Variants in NIBAN1 observed in about 807,000 individuals in gnomAD.
NIBAN1 encodes protein Niban 1.
NIBAN1 carries 81 observed loss-of-function variants against 75.1 expected under a neutral mutation model. That is an observed-to-expected ratio of 1.08 (90% CI 0.90 to 1.30). The LOEUF (loss-of-function observed/expected upper bound fraction) is 1.30. NIBAN1 is among the 50% of genes most tolerant of loss of function. NIBAN1 has a pLI of 0.00. For synonymous variants in NIBAN1, 436 were observed against 424.8 expected (o/e 1.03, Z -0.32); for missense variants, 1,133 against 1,128.1 (o/e 1.00, Z -0.06).
At chr1:184,857,960 A>C (rs1655721404) in intron 5 of NIBAN1, among the ~76,000 whole-genome samples, 1 of 151,686 alleles carries the variant, frequency 6.6e-6, no homozygotes, top group South Asian at 2.1e-4. Flanking sequence ...ACCTTCAAGA[A>C]AAATTGAGGA....
rs567361929 is a variant in NIBAN1, at chr1:184,853,417, A to G, written c.602-21455T>C. Among the ~76,000 whole-genome samples the G allele has an allele frequency of 3.9e-5, 6 of 152,220 alleles. No homozygotes were observed. In the South Asian group the frequency reaches 1.2e-3, roughly 32 times the overall value. ...TAACAATGGATAAAGTGATGATAAT[A>G]ATTCTTAAAACTTCATATTTGCTTC... is the stretch of plus-strand genomic sequence containing the variant. On this transcript the variant is annotated intron_variant, in intron 5 of 13. Transcript: ENST00000367511.
chr1:184,973,973 A>G (rs2102100363), intron 1 of NIBAN1, among the ~76,000 whole-genome samples: 1 of 152,290 alleles, frequency 6.6e-6, no homozygotes, highest in East Asian at 1.9e-4. Flanking sequence ...AACCGCTCAG[A>G]ACTCAGTCCA....
At chr1:184,970,010 T>C (rs1038981790) in intron 1 of NIBAN1, among the ~76,000 whole-genome samples, 2 of 151,210 alleles carry the variant, frequency 1.3e-5, no homozygotes, top group Admixed American at 6.6e-5. Flanking sequence ...TACAAAAAAA[T>C]ACAAAAAAAC....
Position 184,793,702 on chromosome 1 carries a change from A to G in NIBAN1, c.*1275T>C, listed in dbSNP as rs1348602169. On this transcript the variant is annotated 3_prime_UTR_variant, in exon 14 of 14. Transcript: ENST00000367511. ...AATCTTTTGGAAGCAAGTCTCTTCC[A>G]TTTTCAACATTAATGGTTATAGGTC... The G allele has an allele frequency of 6.6e-6, 1 of 152,222 alleles. No individual in the cohort carries two copies. Among genetic ancestry groups the G allele is most frequent in the East Asian group, 1.9e-4 (1 of 5,206 alleles). The allele number at this position is 152,222 out of a possible 1,614,324, so 9.4% of individuals were successfully genotyped here.
chr1:184,823,619 G>C lies in NIBAN1; in HGVS notation c.822+19C>G. On this transcript the variant is annotated intron_variant, in intron 7 of 13. Coordinates refer to ENST00000367511, the MANE Select transcript of NIBAN1 (RefSeq NM_052966.4). ...TCCCATTTTGAGTAGCTCAGTTGTA[G>C]AGCAAAACCATTGCTTACACCAAGC... 1 of 1,611,032 alleles carries C rather than the reference G, an allele frequency of 6.2e-7. No homozygotes were observed. The highest frequency in any genetic ancestry group is 8.5e-7 in the Non-Finnish European group (1 of 1,177,206).
intron 1 of NIBAN1, among the ~76,000 whole-genome samples, chr1:184,939,494 A>G (rs528191870): frequency 6.6e-6 from 1 of 152,218 alleles, no homozygotes; most frequent in Admixed American, 6.5e-5. Flanking sequence ...TCCCTTTGAG[A>G]AGCCTTCTCT....
chr1:184,936,032 A>C (rs1200662735), intron 1 of NIBAN1, among the ~76,000 whole-genome samples: 1 of 151,924 alleles, frequency 6.6e-6, no homozygotes, highest in Non-Finnish European at 1.5e-5. Context: ...AAAAAAAAAA[A>C]AAAACAGGGG....
chr1:184,857,500 A>C (rs1655710384), intron 5 of NIBAN1, among the ~76,000 whole-genome samples: 1 of 152,194 alleles, frequency 6.6e-6, no homozygotes. Context: ...GTAATTAGAA[A>C]CCCAGCAGGC....
chr1:184,890,023 C>A (rs947509441), intron 4 of NIBAN1, 85 bp downstream of exon 4: 24 of 1,039,606 alleles, frequency 2.3e-5, no homozygotes, highest in Non-Finnish European at 3.1e-5. Flanking sequence ...GGAGGGAAAT[C>A]CCTCTCCTTC....
chr1:184,895,464 T>C (rs151061156), intron 2 of NIBAN1, among the ~76,000 whole-genome samples: 3,445 of 152,340 alleles, frequency 0.023, 65 homozygotes, highest in Middle Eastern at 0.041. Context: ...CAATCACTTA[T>C]CCCTATGTAC....
intron 5 of NIBAN1, among the ~76,000 whole-genome samples, chr1:184,833,675 C>G (rs1484170843): frequency 6.6e-6 from 1 of 151,906 alleles, no homozygotes; most frequent in African/African-American, 2.4e-5. Context: ...GCACCCTATC[C>G]AGGGCAATAG....
chr1:184,799,612 C>A (rs845626), intron 12 of NIBAN1, among the ~76,000 whole-genome samples: 18 of 123,676 alleles, frequency 1.5e-4, no homozygotes, highest in South Asian at 8.5e-4. Flanking sequence ...CCTGAGGAAT[C>A]GCCACACTGA....
chr1:184,793,804 T>C lies in NIBAN1; in HGVS notation c.*1173A>G, dbSNP rs2102171861. ...TAGGAGGAAGGAACAAAGTTGTTTT[T>C]CGCCATGGTATCCCCAGTGCTTGGT... On this transcript the variant is annotated 3_prime_UTR_variant, in exon 14 of 14. Transcript: ENST00000367511. 1 of 152,370 alleles carries C rather than the reference T, an allele frequency of 6.6e-6. No homozygotes were observed. Among genetic ancestry groups the C allele is most frequent in the South Asian group, 2.1e-4 (1 of 4,824 alleles). The allele number at this position is 152,370 out of a possible 1,614,324, so 9.4% of individuals were successfully genotyped here.
intron 1 of NIBAN1, among the ~76,000 whole-genome samples, chr1:184,917,799 T>C (rs540159689): frequency 6.6e-6 from 1 of 152,272 alleles, no homozygotes; most frequent in African/African-American, 2.4e-5. Context: ...CACCCACACA[T>C]GCATTCAAGT....
chr1:184,926,455 C>T (rs1657688230), intron 1 of NIBAN1, among the ~76,000 whole-genome samples: 1 of 152,186 alleles, frequency 6.6e-6, no homozygotes, highest in African/African-American at 2.4e-5. Flanking sequence ...CCAGGCTGGT[C>T]TTGAACTCCT....
chr1:184,952,355 C>T (rs1024087897), intron 1 of NIBAN1, among the ~76,000 whole-genome samples: 7 of 152,076 alleles, frequency 4.6e-5, no homozygotes, highest in Admixed American at 2.6e-4. Context: ...AGTGAGCCAT[C>T]GCACCACTAC....
chr1:184,970,075 G>A (rs1257614764), intron 1 of NIBAN1, among the ~76,000 whole-genome samples: 1 of 151,550 alleles, frequency 6.6e-6, no homozygotes, highest in East Asian at 1.9e-4. Context: ...AGGGTGAGGT[G>A]GGAGGATCGC....
At chr1:184,942,201 G>A (rs1658106794) in intron 1 of NIBAN1, among the ~76,000 whole-genome samples, 1 of 152,322 alleles carries the variant, frequency 6.6e-6, no homozygotes, top group South Asian at 2.1e-4. Context: ...AAGTTATACA[G>A]GCCAAGAAAC....
intron 5 of NIBAN1, among the ~76,000 whole-genome samples, chr1:184,874,965 TATC>T (rs762287150): frequency 2.6e-5 from 4 of 152,154 alleles, no homozygotes; most frequent in Non-Finnish European, 5.9e-5. Context: ...TAAAGGACGA[TATC>T]ATACAAATCA....
Sources: gnomAD v4.1 joint callset for allele counts (sites outside exome capture counted in the v4.1 genomes callset) on GRCh38, gnomAD v4.1.1 for gene constraint, MANE v1.5 for transcripts, NCBI Gene and HGNC (gene_info 2026-07-23, HGNC 2026-07-21) for gene names.